TENM3: variants seen among roughly 807,000 people sequenced by gnomAD.
TENM3 encodes teneurin transmembrane protein 3.
A neutral mutation model predicts 255.1 loss-of-function variants in TENM3; 63 were observed. The observed-to-expected ratio is 0.25, with a 90% CI of 0.20 to 0.30. TENM3 has a LOEUF of 0.30. Among genes scored for constraint, TENM3 ranks in the 10% least tolerant of loss-of-function variants. The probability of loss-of-function intolerance (pLI) is 1.00; values close to 1 mark genes in which losing one functional copy is unlikely to be tolerated. For synonymous variants in TENM3, 1,306 were observed against 1,322.3 expected (o/e 0.99, Z 0.27); for missense variants, 2,929 against 3,461.1 (o/e 0.85, Z 3.86).
intron 5 of TENM3, among the ~76,000 whole-genome samples, chr4:182,638,025 A>AG (rs200136041): frequency 2.3e-5 from 3 of 127,886 alleles, no homozygotes; most frequent in Non-Finnish European, 5.3e-5. Flanking sequence ...TCCATGTGTT[A>AG]GGGGAAAAAT....
chr4:182,066,669 C>G, the TENM3 span, among the ~76,000 whole-genome samples: 128 of 151,048 alleles, frequency 8.5e-4, no homozygotes, highest in East Asian at 3.5e-3. Flanking sequence ...CCAGCACTTT[C>G]GGAGGCCAAG....
intron 1 of TENM3, among the ~76,000 whole-genome samples, chr4:182,251,863 T>G (rs1758034669): frequency 6.6e-6 from 1 of 152,164 alleles, no homozygotes; most frequent in African/African-American, 2.4e-5. Flanking sequence ...TTTCAATATG[T>G]TACTTTGAAT....
chr4:181,769,445 A>G, the TENM3 span, among the ~76,000 whole-genome samples: 2 of 152,224 alleles, frequency 1.3e-5, no homozygotes, highest in Non-Finnish European at 2.9e-5. Context: ...CCATCTACCA[A>G]GTGGATATAA....
At chr4:181,629,813 C>T in the TENM3 span, among the ~76,000 whole-genome samples, 1 of 151,978 alleles carries the variant, frequency 6.6e-6, no homozygotes, top group Non-Finnish European at 1.5e-5. Flanking sequence ...TTTGTTGTAT[C>T]CCTGCAAGGC....
chr4:182,628,334 A>G (rs995296009), intron 4 of TENM3, among the ~76,000 whole-genome samples: 13 of 152,264 alleles, frequency 8.5e-5, no homozygotes, highest in African/African-American at 3.1e-4. Flanking sequence ...TTTGTTCAGG[A>G]AACAGTATGA....
intron 3 of TENM3, among the ~76,000 whole-genome samples, chr4:182,359,290 A>C (rs1765790638): frequency 6.6e-6 from 1 of 152,152 alleles, no homozygotes; most frequent in South Asian, 2.1e-4. Flanking sequence ...TTTCAGAAGG[A>C]ATGGTACCAG....
At chr4:181,942,538 A>G in the TENM3 span, among the ~76,000 whole-genome samples, 1 of 152,066 alleles carries the variant, frequency 6.6e-6, no homozygotes, top group Non-Finnish European at 1.5e-5. Flanking sequence ...AGCTATGTGG[A>G]TGTGTATCAG....
At chr4:182,021,035 C>A in the TENM3 span, among the ~76,000 whole-genome samples, 1 of 151,930 alleles carries the variant, frequency 6.6e-6, no homozygotes, top group Non-Finnish European at 1.5e-5. Flanking sequence ...TTCTGTTGAA[C>A]CTATAACCCA....
At chr4:182,000,178 T>C in the TENM3 span, among the ~76,000 whole-genome samples, 1 of 152,278 alleles carries the variant, frequency 6.6e-6, no homozygotes, top group Non-Finnish European at 1.5e-5. Context: ...CTGCTTTTAC[T>C]CAGACTGTGT....
intron 1 of TENM3, among the ~76,000 whole-genome samples, chr4:182,226,527 G>T (rs1756166197): frequency 6.6e-6 from 1 of 152,086 alleles, no homozygotes; most frequent in Non-Finnish European, 1.5e-5. Flanking sequence ...TCAAGCTGAT[G>T]ATGAGCATAT....
At position 182,576,398 on chromosome 4, in the gene TENM3, C is replaced by T. The variant is rs183626498; in HGVS notation, c.512-24526C>T. On this transcript the variant is annotated intron_variant, in intron 3 of 27. Coordinates refer to ENST00000511685, the MANE Select transcript of TENM3 (RefSeq NM_001080477.4). ...GAGGTAATGCAAATACTGCAATGCA[C>T]TCATAAGAAAAAAATAAATTTTCCA... Among the ~76,000 whole-genome samples the T allele has an allele frequency of 6.6e-3, 1,008 of 152,194 alleles. 35 individuals are homozygous for T. In the East Asian group the frequency reaches 0.08, roughly 12 times the overall value.
At chr4:182,235,619 A>C (rs1306894865) in intron 1 of TENM3, among the ~76,000 whole-genome samples, 3 of 152,158 alleles carry the variant, frequency 2.0e-5, no homozygotes, top group African/African-American at 4.8e-5. Context: ...ACACACATAC[A>C]CACGGGAGCC....
the TENM3 span, among the ~76,000 whole-genome samples, chr4:181,930,966 C>T: frequency 6.6e-6 from 1 of 152,144 alleles, no homozygotes; most frequent in South Asian, 2.1e-4. Context: ...AATTCAACAC[C>T]TCTTCATGCT....
intron 3 of TENM3, among the ~76,000 whole-genome samples, chr4:182,541,596 T>C (rs995449359): frequency 6.6e-6 from 1 of 152,198 alleles, no homozygotes; most frequent in Admixed American, 6.5e-5. Flanking sequence ...TCTTATGTAG[T>C]ATATGTAACG....
chr4:181,750,404 C>G, the TENM3 span, among the ~76,000 whole-genome samples: 1 of 152,144 alleles, frequency 6.6e-6, no homozygotes, highest in Non-Finnish European at 1.5e-5. Flanking sequence ...TAATAGGTCC[C>G]TAGGTCTATC....
the TENM3 span, among the ~76,000 whole-genome samples, chr4:181,834,114 T>TA: frequency 0.021 from 2,802 of 135,426 alleles, 45 homozygotes; most frequent in Middle Eastern, 0.06. Flanking sequence ...ATAAATTTGC[T>TA]AAAAAAAAAA....
the TENM3 span, among the ~76,000 whole-genome samples, chr4:181,587,992 G>C: frequency 2.0e-5 from 3 of 152,100 alleles, no homozygotes; most frequent in Non-Finnish European, 4.4e-5. Flanking sequence ...CGTTGATTGT[G>C]GGGGGCAGGA....
Position 182,206,570 on chromosome 4 carries a change from A to G in TENM3, c.-76+61816A>G, listed in dbSNP as rs111622438. 7.9e-3 allele frequency among the ~76,000 whole-genome samples: 1,201 copies of G among 152,348 alleles called. 8 individuals are homozygous for G. The highest frequency in any genetic ancestry group is 0.013 in the Non-Finnish European group (885 of 68,038). ...GCTAGCTTTCTTTATGGAGATGTCA[A>G]TTCCTCATGCGTGTCATAGACATGG... On this transcript the variant is annotated intron_variant, in intron 1 of 2. Transcript: ENST00000512480.
chr4:182,186,284 G>T (rs1753147102), intron 1 of TENM3, among the ~76,000 whole-genome samples: 1 of 152,076 alleles, frequency 6.6e-6, no homozygotes, highest in African/African-American at 2.4e-5. Flanking sequence ...GAGAAAGTAG[G>T]TTAGTAGGTT....
Sources: gnomAD v4.1 joint callset for allele counts (sites outside exome capture counted in the v4.1 genomes callset) on GRCh38, gnomAD v4.1.1 for gene constraint, MANE v1.5 for transcripts, NCBI Gene and HGNC (gene_info 2026-07-23, HGNC 2026-07-21) for gene names.